Variants in RANBP2 observed in about 807,000 individuals in gnomAD.
RANBP2 encodes the protein E3 SUMO-protein ligase RanBP2.
In RANBP2, 57 loss-of-function variants were observed where a neutral mutation model predicts 303.6. That is an observed-to-expected ratio of 0.19 (90% confidence interval 0.15 to 0.23). The LOEUF (loss-of-function observed/expected upper bound fraction) is 0.23. Among genes scored for constraint, RANBP2 ranks in the 10% least tolerant of loss-of-function variants. The probability of loss-of-function intolerance (pLI) is 1.00; values close to 1 mark genes in which losing one functional copy is unlikely to be tolerated. For missense variants in RANBP2, 3,138 were observed against 3,780.8 expected, an observed-to-expected ratio of 0.83 and a Z score of 4.46; for synonymous variants, 1,167 against 1,301.5, an observed-to-expected ratio of 0.90 and a Z score of 2.23.
chr2:109,688,286 G>A, the RANBP2 span, among the ~76,000 whole-genome samples: 2 of 152,142 alleles, frequency 1.3e-5, no homozygotes, highest in African/African-American at 4.8e-5. Flanking sequence ...CCCTCCCTGG[G>A]ACAAGCTGCT....
At chr2:109,672,360 C>G in the RANBP2 span, among the ~76,000 whole-genome samples, 1 of 152,162 alleles carries the variant, frequency 6.6e-6, no homozygotes, top group Non-Finnish European at 1.5e-5. Flanking sequence ...TTGAGTGAAC[C>G]ATATACCCTT....
At chr2:109,674,740 A>AAT in the RANBP2 span, among the ~76,000 whole-genome samples, 3 of 152,186 alleles carry the variant, frequency 2.0e-5, no homozygotes, top group Non-Finnish European at 2.9e-5. Context: ...TGAATAAGGA[A>AAT]ATTGACATTC....
At chr2:108,941,106 A>G in the RANBP2 span, among the ~76,000 whole-genome samples, 1 of 152,228 alleles carries the variant, frequency 6.6e-6, no homozygotes, top group Non-Finnish European at 1.5e-5. Flanking sequence ...GGAATCGGGC[A>G]GCTGGTTTCT....
chr2:109,614,837 T>C, the RANBP2 span: 1 of 1,419,092 alleles, frequency 7.0e-7, no homozygotes, highest in African/African-American at 1.5e-5. Flanking sequence ...AGGCGCGCGA[T>C]CGGCTCCCCG....
In RANBP2 at chr2:108,766,102, A is replaced by G. The variant is rs142567018; in HGVS notation, c.5563A>G (p.Thr1855Ala). The change falls in exon 20 of 29, where the codon ACA (threonine) becomes GCA (alanine). Residue 1855 changes from threonine to alanine, a missense_variant. By Grantham distance (58) the Thr-to-Ala change is moderately conservative. Around this residue, in one of 20 missense-constraint regions of RANBP2, gnomAD observed 348 missense variants for 360.4 expected, o/e 0.97. Transcript: ENST00000283195. ...FSEKASKFGNTEQGFKFGHVD... is the reference protein window; with the variant it reads ...FSEKASKFGNAEQGFKFGHVD... The stretch of plus-strand genomic sequence containing the variant: ...AGAAAAAGCTTCTAAGTTTGGCAAT[A>G]CAGAGCAAGGATTCAAATTTGGGCA... 1.9e-6 allele frequency: 3 copies of G among 1,614,030 alleles called. No individual in the cohort carries two copies. The highest frequency in any genetic ancestry group is 1.7e-5 in the Admixed American group (1 of 60,004).
At chr2:109,299,114 A>T in the RANBP2 span, among the ~76,000 whole-genome samples, 2 of 152,138 alleles carry the variant, frequency 1.3e-5, no homozygotes, top group Non-Finnish European at 1.5e-5. Context: ...GCATTTGCAG[A>T]TGAGGCCCCC....
chr2:109,568,912 T>G, the RANBP2 span, among the ~76,000 whole-genome samples: 1 of 152,174 alleles, frequency 6.6e-6, no homozygotes, highest in African/African-American at 2.4e-5. Context: ...TCAGTATTAT[T>G]TGAAGTCCTA....
chr2:109,035,597 A>G, the RANBP2 span, among the ~76,000 whole-genome samples: 1 of 151,864 alleles, frequency 6.6e-6, no homozygotes. Context: ...GTCAAAGCAC[A>G]GAGGAAAGGC....
chr2:109,006,530 A>G, the RANBP2 span, among the ~76,000 whole-genome samples: 1 of 152,166 alleles, frequency 6.6e-6, no homozygotes, highest in African/African-American at 2.4e-5. Context: ...AAACACACAC[A>G]GGATAATTTC....
chr2:109,069,140 A>G, the RANBP2 span, among the ~76,000 whole-genome samples: 1 of 152,356 alleles, frequency 6.6e-6, no homozygotes, highest in East Asian at 1.9e-4. Flanking sequence ...GTACTAATAA[A>G]TTTTCTATCT....
At chr2:109,066,807 C>T in the RANBP2 span, among the ~76,000 whole-genome samples, 2 of 151,896 alleles carry the variant, frequency 1.3e-5, no homozygotes, top group African/African-American at 2.4e-5. Context: ...CAGAGCCGAG[C>T]GGTAAAGGAA....
At chr2:109,425,570 T>C in the RANBP2 span, among the ~76,000 whole-genome samples, 2 of 152,210 alleles carry the variant, frequency 1.3e-5, no homozygotes, top group African/African-American at 2.4e-5. Flanking sequence ...CCTAGGGCTC[T>C]TAAGAATTAT....
the RANBP2 span, among the ~76,000 whole-genome samples, chr2:109,483,315 TAA>T: frequency 1.3e-5 from 2 of 152,340 alleles, no homozygotes; most frequent in Admixed American, 6.5e-5. Context: ...TCTGAATATC[TAA>T]AGTTTCCTGC....
chr2:109,436,775 G>A, the RANBP2 span: 1 of 1,438,906 alleles, frequency 6.9e-7, no homozygotes. Flanking sequence ...CTCGTCCCCA[G>A]ATCAGTTGGC....
intron 6 of RANBP2, 52 bp from the exon 7 acceptor site, chr2:108,740,437 T>A: frequency 6.3e-7 from 1 of 1,596,542 alleles, no homozygotes; most frequent in South Asian, 1.1e-5. Flanking sequence ...AAACCATGAT[T>A]ATTCACAGTG....
chr2:108,829,749 A>G, the RANBP2 span, among the ~76,000 whole-genome samples: 1 of 152,232 alleles, frequency 6.6e-6, no homozygotes, highest in East Asian at 1.9e-4. Flanking sequence ...GTGTCAATAC[A>G]TACATATGTA....
At chr2:108,815,072 T>G in the RANBP2 span, among the ~76,000 whole-genome samples, 6 of 152,240 alleles carry the variant, frequency 3.9e-5, no homozygotes, top group Admixed American at 3.9e-4. Flanking sequence ...AATTTATAAA[T>G]TACTTTGTTA....
At chr2:109,659,522 G>A in the RANBP2 span, among the ~76,000 whole-genome samples, 1 of 152,338 alleles carries the variant, frequency 6.6e-6, no homozygotes, top group Non-Finnish European at 1.5e-5. Context: ...GTGGTCAGTG[G>A]TTCGCATGGA....
At chr2:109,584,474 C>CAAA in the RANBP2 span, among the ~76,000 whole-genome samples, 1,440 of 71,472 alleles carry the variant, frequency 0.02, 82 homozygotes, top group African/African-American at 0.069. Flanking sequence ...GACTCTGTCT[C>CAAA]AAAAAAAAAA....
Sources: gnomAD v4.1 joint callset for allele counts (sites outside exome capture counted in the v4.1 genomes callset) on GRCh38, gnomAD v4.1.1 for gene constraint, gnomAD v4.1.1 regional missense constraint, MANE v1.5 for transcripts, NCBI Gene and HGNC (gene_info 2026-07-23, HGNC 2026-07-21) for gene names.